DENND1C: variants seen among roughly 807,000 people sequenced by gnomAD.
DENND1C encodes DENN domain-containing protein 1C.
Under a neutral mutation model 87.9 loss-of-function variants are expected in DENND1C, and 64 were observed. That is an observed-to-expected ratio of 0.73 (90% CI 0.60 to 0.90). The LOEUF (loss-of-function observed/expected upper bound fraction) is 0.90. DENND1C is among the 40% of genes least tolerant of loss of function. The probability of loss-of-function intolerance (pLI) is 0.00; values close to 1 mark genes in which losing one functional copy is unlikely to be tolerated. For missense variants in DENND1C, 980 were observed against 1,037.0 expected, an observed-to-expected ratio of 0.95 and a Z score of 0.76; for synonymous variants, 384 against 424.4, an observed-to-expected ratio of 0.90 and a Z score of 1.17.
chr19:6,478,734 G>C, intron 6 of DENND1C, 49 bp downstream of exon 6: 1 of 1,570,256 alleles, frequency 6.4e-7, no homozygotes. Context: ...GAGGTTGAGG[G>C]GGGTGGGGGC....
chr19:6,468,019 C>T lies in DENND1C; in HGVS notation c.1891G>A (p.Ala631Thr). ...PSLQNASSLD[A>T]TSSSKDSRSQ... Reference sequence around the variant, plus strand: ...CTGGAGTCCTTTGAAGAGCTGGTGGCATCCAAAGACGAGGCATTTTGCAGG... The same window carrying T: ...CTGGAGTCCTTTGAAGAGCTGGTGGTATCCAAAGACGAGGCATTTTGCAGG... The change falls in exon 23 of 23, where the codon GCC (alanine) becomes ACC (threonine). Residue 631 changes from alanine (A) to threonine (T), a missense_variant. By Grantham distance (58) the Ala-to-Thr change is moderately conservative (BLOSUM62 0). Transcript: ENST00000381480. The T allele has an allele frequency of 6.2e-7, 1 of 1,613,788 alleles. No individual in the cohort carries two copies. Among genetic ancestry groups the T allele is most frequent in the Admixed American group, 1.7e-5 (1 of 59,992 alleles).
intron 1 of DENND1C, chr19:6,480,479 T>C: frequency 4.1e-6 from 4 of 984,362 alleles, no homozygotes; most frequent in Non-Finnish European, 3.6e-6. Flanking sequence ...TATATATCCA[T>C]CTATCTGTCT....
chr19:6,477,429 AT>A lies in DENND1C; in HGVS notation c.395del (p.Asn132IlefsTer22), dbSNP rs768712855. 1 of 1,604,846 alleles carries A rather than the reference AT, an allele frequency of 6.2e-7. No individual in the cohort carries two copies. The highest frequency in any genetic ancestry group is 8.5e-7 in the Non-Finnish European group (1 of 1,175,244). On this transcript the variant is annotated frameshift_variant, in exon 7 of 23. Transcript: ENST00000381480. LOFTEE classifies it high-confidence loss of function. ...QVTEAEELLQ[N>X]LFQQSLSGPQ... is the part of the protein sequence containing the mutation. ...GCCCAGACAGGGACTGCTGAAACAG[AT>A]TTTGAAGAAGTTCCTCTGCCTCGGT...
In DENND1C at chr19:6,468,955, T is replaced by C; in HGVS notation, c.1408-2A>G. The C allele has an allele frequency of 7.1e-7, 1 of 1,406,056 alleles. No individual in the cohort carries two copies. Among genetic ancestry groups the C allele is most frequent in the Non-Finnish European group, 9.3e-7 (1 of 1,079,864 alleles). The allele number at this position is 1,406,056 out of a possible 1,614,324, so 87.1% of individuals were successfully genotyped here. A position where few individuals can be genotyped will look rare whatever the true frequency, so the allele number is the denominator to read the frequency against. On this transcript the variant is annotated splice_acceptor_variant, in intron 19 of 22. Coordinates refer to ENST00000381480, the MANE Select transcript of DENND1C (RefSeq NM_024898.4). LOFTEE classifies it high-confidence loss of function. ...CCTCTGCAGGACAGAGTCCCCATCC[T>C]AGGAAGAGAAGAGTGAACTGGGAAC...
chr19:6,472,236 A>G (rs1663803), intron 15 of DENND1C, among the ~76,000 whole-genome samples: 135,880 of 148,670 alleles, frequency 0.91, 62,208 homozygotes, highest in Non-Finnish European at 0.97. Flanking sequence ...GTCAGGACCC[A>G]TCCCCTCTGG....
In DENND1C at chr19:6,468,244, C is replaced by T. The variant is rs143471366; in HGVS notation, c.1781G>A (p.Cys594Tyr). 36 of 1,613,278 alleles carry T rather than the reference C, an allele frequency of 2.2e-5. No individual in the cohort carries two copies. The highest frequency in any genetic ancestry group is 2.9e-5 in the Non-Finnish European group (34 of 1,179,564). ...DCCHRGDLDS[C>Y]FSLPNIPRWQ... The stretch of plus-strand genomic sequence containing the variant: ...GGGCGAGGCTCTCACCAGGCTGAAG[C>T]AGCTGTCCAGGTCTCCTCTGTGACA... The change falls in exon 22 of 23, where the codon TGC becomes TAC. Residue 594 changes from cysteine (C) to tyrosine (Y), a missense_variant. Coordinates refer to ENST00000381480, the MANE Select transcript of DENND1C (RefSeq NM_024898.4).
Position 6,481,463 on chromosome 19 carries a change from T to TAGAGAGAG in DENND1C, c.17+208_17+215dup, listed in dbSNP as rs4028204. On this transcript the variant is annotated intron_variant, in intron 1 of 22. Coordinates refer to ENST00000381480, the MANE Select transcript of DENND1C (RefSeq NM_024898.4). Reference sequence around the variant, plus strand: ...TATAGACATAATCACAGGAGCTGGATAGAGAGAGAGAGAGAGAGAGAGAGG... The same window carrying TAGAGAGAG: ...TATAGACATAATCACAGGAGCTGGATAGAGAGAGAGAGAGAGAGAGAGAGAGAGAGAGG... Among the ~76,000 whole-genome samples, 6 of 147,894 alleles carry TAGAGAGAG rather than the reference T, an allele frequency of 4.1e-5. No homozygotes were observed. In the South Asian group the frequency reaches 8.6e-4, roughly 21 times the overall value.
Position 6,480,286 on chromosome 19 carries a change from T to C in DENND1C, c.18-235A>G. The C allele has an allele frequency of 4.9e-6, 7 of 1,416,946 alleles. No homozygotes were observed. The South Asian group carries it at 1.0e-4, about 21-fold the overall frequency. The allele number at this position is 1,416,946 out of a possible 1,614,324, so 87.8% of individuals were successfully genotyped here. On this transcript the variant is annotated intron_variant, in intron 1 of 22. Transcript: ENST00000381480. ...GAAAGTGTGACTGTGTGTGTGTGGC[T>C]GTGTATGATTGTGTGTGGCTGAGTG...
intron 14 of DENND1C, 61 bp downstream of exon 14, chr19:6,475,213 G>C (rs535243466): frequency 3.1e-6 from 5 of 1,605,352 alleles, no homozygotes; most frequent in Admixed American, 1.7e-5. Flanking sequence ...TGTACCTATC[G>C]TTACATTGCG....
In DENND1C at chr19:6,468,171, A is replaced by G. The variant is rs1019968837; in HGVS notation, c.1792-53T>C. On this transcript the variant is annotated intron_variant, in intron 22 of 22. Coordinates refer to ENST00000381480, the MANE Select transcript of DENND1C (RefSeq NM_024898.4). ...GCTTTTAGATGGCAGAGGGGCTGGC[A>G]AGTTGGATGGACCATTAGGGGAAGA... The G allele has an allele frequency of 3.1e-6, 5 of 1,610,740 alleles. No individual in the cohort carries two copies. The African/African-American group carries it at 4.0e-5, about 13-fold the overall frequency.
chr19:6,481,434 G>A (rs1913557515), intron 1 of DENND1C, among the ~76,000 whole-genome samples: 1 of 150,984 alleles, frequency 6.6e-6, no homozygotes, highest in Admixed American at 6.7e-5. Flanking sequence ...TGCATTCACA[G>A]AGCTATAGAC....
rs769732407 is a variant in DENND1C at position 6,471,318 on chromosome 19, G to C, written c.1250-13C>G. 1.3e-6 allele frequency: 2 copies of C among 1,597,444 alleles called. No individual in the cohort carries two copies. The highest frequency in any genetic ancestry group is 1.7e-6 in the Non-Finnish European group (2 of 1,172,016). ...GATCGAAGGGCCCCTGGGGTAAGGA[G>C]AGAGTGTGGTGGTCACCGAAGGCTG... On this transcript the variant is annotated splice_polypyrimidine_tract_variant and intron_variant, in intron 16 of 22. Coordinates refer to ENST00000381480, the MANE Select transcript of DENND1C (RefSeq NM_024898.4).
chr19:6,467,331 G>T lies in DENND1C; in HGVS notation c.*173C>A, dbSNP rs1489254377. 4 of 838,894 alleles carry T rather than the reference G, an allele frequency of 4.8e-6. No homozygotes were observed. The highest frequency in any genetic ancestry group is 3.5e-5 in the African/African-American group (2 of 56,540). 52.0% of individuals were successfully genotyped at this position (838,894 alleles called of 1,614,324 possible). On this transcript the variant is annotated 3_prime_UTR_variant, in exon 23 of 23. Transcript: ENST00000381480. ...TTCTAGAAGACCAGGAGGCTTCCTG[G>T]AATTCCCTGCTAGGAGCCAGTTAGA...
rs1216664941 is a variant in DENND1C at position 6,479,880 on chromosome 19, G to T, written c.105C>A (p.Phe35Leu). Residue 35 changes from phenylalanine to leucine, a missense_variant, in exon 3 of 23, where the codon TTC becomes TTA. Phe to Leu is a conservative substitution (Grantham distance 22). Transcript: ENST00000381480. ...LQEDPPILRQ[F>L]PPDFRDQEAM... Reference sequence around the variant, plus strand: ...ATACCTGGTCCCTGAAGTCTGGAGGGAACTGCCGCAGGATGGGGGGATCTG... The same window carrying T: ...ATACCTGGTCCCTGAAGTCTGGAGGTAACTGCCGCAGGATGGGGGGATCTG... The T allele has an allele frequency of 6.2e-7, 1 of 1,608,610 alleles. No homozygotes were observed. The highest frequency in any genetic ancestry group is 1.7e-5 in the Admixed American group (1 of 58,702).
At chr19:6,475,241 C>G in intron 14 of DENND1C, 33 bp downstream of exon 14, 1 of 1,610,876 alleles carries the variant, frequency 6.2e-7, no homozygotes, top group South Asian at 1.1e-5. Flanking sequence ...CAGGAACCCA[C>G]GAGACCTCTC....
At position 6,481,705 on chromosome 19, in the gene DENND1C, AGGGCCAGCCCAGCG is replaced by A. The variant is rs1913580277; in HGVS notation, c.-24_-11del. On this transcript the variant is annotated 5_prime_UTR_variant, in exon 1 of 23. Coordinates refer to ENST00000381480, the MANE Select transcript of DENND1C (RefSeq NM_024898.4). Reference sequence around the variant, plus strand: ...CAGCTCTGGATTCCATGGTCCCTGCAGGGCCAGCCCAGCGGGGCCCTCTCCCCAGGGGTCCTGGG... The same window carrying A: ...CAGCTCTGGATTCCATGGTCCCTGCAGGGCCCTCTCCCCAGGGGTCCTGGG... 2 of 1,585,774 alleles carry A rather than the reference AGGGCCAGCCCAGCG, an allele frequency of 1.3e-6. No individual in the cohort carries two copies. Among genetic ancestry groups the A allele is most frequent in the Non-Finnish European group, 8.6e-7 (1 of 1,167,672 alleles).
At chr19:6,470,528 C>T (rs956444606) in intron 17 of DENND1C, among the ~76,000 whole-genome samples, 162 bp from the exon 18 acceptor site, 2 of 151,548 alleles carry the variant, frequency 1.3e-5, no homozygotes, top group African/African-American at 2.4e-5. Context: ...TGGTGACTTG[C>T]GGAGTTAAAT....
chr19:6,468,780 G>A, intron 20 of DENND1C, 66 bp downstream of exon 20: 1 of 1,431,598 alleles, frequency 7.0e-7, no homozygotes, highest in Non-Finnish European at 9.3e-7. Flanking sequence ...TCTGGATGGG[G>A]ACTGGGATGG....
At chr19:6,473,916 C>G (rs10405323) in intron 14 of DENND1C, among the ~76,000 whole-genome samples, 1 of 151,898 alleles carries the variant, frequency 6.6e-6, no homozygotes, top group Non-Finnish European at 1.5e-5. Context: ...TGCAGGAGGC[C>G]GGGCGCGGTG....
Sources: gnomAD v4.1 joint callset for allele counts (sites outside exome capture counted in the v4.1 genomes callset) on GRCh38, gnomAD v4.1.1 for gene constraint, MANE v1.5 for transcripts, NCBI Gene and HGNC (gene_info 2026-07-23, HGNC 2026-07-21) for gene names.